Variants in SLC24A4 observed in about 807,000 individuals in gnomAD.
The protein encoded by SLC24A4 is solute carrier family 24 member 4.
Under a neutral mutation model 79.0 loss-of-function variants are expected in SLC24A4, and 53 were observed. That is an observed-to-expected ratio of 0.67 (90% confidence interval 0.54 to 0.84). The LOEUF (loss-of-function observed/expected upper bound fraction) is 0.84. Ranked by LOEUF, SLC24A4 falls within the 40% of genes least tolerant of loss-of-function variation. The pLI is 0.00. For missense variants in SLC24A4, 731 were observed against 822.0 expected (o/e 0.89, Z 1.35); for synonymous variants, 323 against 323.8 (o/e 1.00, Z 0.03).
intron 12 of SLC24A4, among the ~76,000 whole-genome samples, chr14:92,469,822 T>C (rs1403196279): frequency 6.6e-6 from 1 of 152,146 alleles, no homozygotes; most frequent in Non-Finnish European, 1.5e-5. Flanking sequence ...AAAGCCCCCA[T>C]GTTACAATTC....
At chr14:92,325,469 A>G (rs987562841) in intron 1 of SLC24A4, among the ~76,000 whole-genome samples, 1 of 152,226 alleles carries the variant, frequency 6.6e-6, no homozygotes, top group Non-Finnish European at 1.5e-5. Flanking sequence ...GCCAGACCGC[A>G]TCAGCCTTGC....
chr14:92,487,628 C>G (rs1895443272), intron 14 of SLC24A4, among the ~76,000 whole-genome samples: 1 of 152,066 alleles, frequency 6.6e-6, no homozygotes, highest in Non-Finnish European at 1.5e-5. Flanking sequence ...CGAATGGGGA[C>G]AGTTAGGGAC....
intron 12 of SLC24A4, 138 bp from the exon 13 acceptor site, chr14:92,482,542 C>T: frequency 7.0e-6 from 5 of 717,634 alleles, no homozygotes; most frequent in South Asian, 4.2e-5. Flanking sequence ...TGTGATTCTG[C>T]AAGGTCAGTT....
Position 92,349,164 on chromosome 14 carries a change from A to AT in SLC24A4, c.241+23201dup, listed in dbSNP as rs55770253. ...CTTCAATAATAAAAGTGACTGGAAG[A>AT]TTTTTTTTTTTTTTTGATACAGTCT... is the stretch of plus-strand genomic sequence containing the variant. On this transcript the variant is annotated intron_variant, in intron 2 of 16. Transcript: ENST00000532405. Among the ~76,000 whole-genome samples, 1,396 of 144,152 alleles carry AT rather than the reference A, an allele frequency of 9.7e-3. 43 individuals are homozygous for AT. Among genetic ancestry groups the AT allele is most frequent in the Admixed American group, 0.067 (961 of 14,408 alleles). 94.6% of individuals were successfully genotyped at this position (144,152 alleles called of 152,430 possible).
At chr14:92,389,781 C>T (rs1171002867) in intron 2 of SLC24A4, among the ~76,000 whole-genome samples, 1 of 152,206 alleles carries the variant, frequency 6.6e-6, no homozygotes, top group East Asian at 1.9e-4. Context: ...TGTCCCTGCC[C>T]CCAAGCCCCA....
intron 9 of SLC24A4, among the ~76,000 whole-genome samples, chr14:92,447,762 G>C (rs1399252947): frequency 6.6e-6 from 1 of 152,218 alleles, no homozygotes; most frequent in African/African-American, 2.4e-5. Flanking sequence ...CACTTGTGCT[G>C]TCTCTAGAAG....
Position 92,495,493 on chromosome 14 carries a change from A to C in SLC24A4, c.*1865A>C, listed in dbSNP as rs1278728331. ...AAGGCAGGGCCCCTGTAGATTCACC[A>C]GTATAAACTTCAGCTGCAGGGATTC... On this transcript the variant is annotated 3_prime_UTR_variant, in exon 17 of 17. Transcript: ENST00000532405. The C allele has an allele frequency of 6.6e-6, 1 of 152,152 alleles. No homozygotes were observed. Among genetic ancestry groups the C allele is most frequent in the Admixed American group, 6.5e-5 (1 of 15,280 alleles). The allele number at this position is 152,152 out of a possible 1,614,324, so 9.4% of individuals were successfully genotyped here. A position where few individuals can be genotyped will look rare whatever the true frequency, so the allele number is the denominator to read the frequency against.
rs77927488 is a variant in SLC24A4, at chr14:92,357,692, G to A, written c.241+31714G>A. On this transcript the variant is annotated intron_variant, in intron 2 of 16. Coordinates refer to ENST00000532405, the MANE Select transcript of SLC24A4 (RefSeq NM_153646.4). ...AATGGTGGTTGCCAGGGACTGGGGC[G>A]ATGGGGGAGTTATCGTTTAATGGGC... Among the ~76,000 whole-genome samples, 84 of 152,326 alleles carry A rather than the reference G, an allele frequency of 5.5e-4. 2 individuals carry two copies. In the East Asian group the frequency reaches 0.015, roughly 27 times the overall value.
Position 92,449,130 on chromosome 14 carries a change from G to T in SLC24A4, c.794G>T (p.Gly265Val). Residue 265 changes from glycine (G) to valine (V), a missense_variant, in exon 10 of 17, where the codon GGT becomes GTT. By Grantham distance (109) the Gly-to-Val change is moderately radical. Coordinates refer to ENST00000532405, the MANE Select transcript of SLC24A4 (RefSeq NM_153646.4). ...GTCAAACAAAAGAGCATTGCAAACG[G>T]TAACCCGGTCAACAGTGAGCTGGAG... ...FTVKQKSIAN[G>V]NPVNSELEAG... is the part of the protein sequence containing the mutation. The T allele has an allele frequency of 6.2e-7, 1 of 1,614,206 alleles. No homozygotes were observed. The highest frequency in any genetic ancestry group is 8.5e-7 in the Non-Finnish European group (1 of 1,180,034).
intron 7 of SLC24A4, among the ~76,000 whole-genome samples, chr14:92,444,903 T>TAC (rs928294919): frequency 1.4e-5 from 2 of 148,116 alleles, no homozygotes; most frequent in Non-Finnish European, 3.0e-5. Flanking sequence ...ACACCATATA[T>TAC]ACACACACAC....
At chr14:92,433,563 G>A (rs1233502579) in intron 2 of SLC24A4, among the ~76,000 whole-genome samples, 34 of 152,190 alleles carry the variant, frequency 2.2e-4, no homozygotes, top group Admixed American at 2.2e-3. Flanking sequence ...CACCAGCAGT[G>A]TTTGAAATTC....
chr14:92,480,387 G>A (rs1252881919), intron 12 of SLC24A4, among the ~76,000 whole-genome samples: 7 of 126,304 alleles, frequency 5.5e-5, no homozygotes, highest in African/African-American at 1.7e-4. Flanking sequence ...TCCACTTCCC[G>A]GGTTCACGCC....
chr14:92,489,679 C>A (rs1229088965), intron 14 of SLC24A4, among the ~76,000 whole-genome samples: 4 of 152,154 alleles, frequency 2.6e-5, no homozygotes, highest in African/African-American at 4.8e-5. Context: ...TTTCACAAGA[C>A]CCCCAGGTGA....
intron 3 of SLC24A4, among the ~76,000 whole-genome samples, chr14:92,434,264 C>A (rs1221117412): frequency 6.6e-6 from 1 of 152,142 alleles, no homozygotes; most frequent in East Asian, 1.9e-4. Context: ...GATGATGGTA[C>A]CTATTACAGA....
intron 12 of SLC24A4, among the ~76,000 whole-genome samples, chr14:92,463,180 C>T (rs2139868971): frequency 6.6e-6 from 1 of 152,278 alleles, no homozygotes; most frequent in East Asian, 1.9e-4. Flanking sequence ...GCTTTTAGAG[C>T]TTTTCTCCCC....
At chr14:92,389,574 C>G (rs1889350764) in intron 2 of SLC24A4, among the ~76,000 whole-genome samples, 2 of 152,150 alleles carry the variant, frequency 1.3e-5, no homozygotes, top group Admixed American at 1.3e-4. Context: ...TGCTGTTCTC[C>G]CTTTCCTGTC....
In SLC24A4 at chr14:92,441,909, G is replaced by T. The variant is rs535343964; in HGVS notation, c.394-180G>T. 3.0e-4 allele frequency among the ~76,000 whole-genome samples: 46 copies of T among 152,354 alleles called. No homozygotes were observed. The highest frequency in any genetic ancestry group is 1.1e-3 in the African/African-American group (45 of 41,586). On this transcript the variant is annotated intron_variant, in intron 4 of 16. Coordinates refer to ENST00000532405, the MANE Select transcript of SLC24A4 (RefSeq NM_153646.4). This position sits in a 1 kb window ranked among gnomAD's most constrained non-coding sequence, Gnocchi z 4.6. ...GGCTCTGAGTGGAATGCCTGGTGGA[G>T]GCTGGAGGGCAGATGGCAGAGGGCA...
intron 12 of SLC24A4, among the ~76,000 whole-genome samples, chr14:92,465,112 TGCA>T (rs1294571097): frequency 6.6e-6 from 1 of 152,254 alleles, no homozygotes; most frequent in East Asian, 1.9e-4. Context: ...GTCTCTCTGA[TGCA>T]GCCTCGATTT....
chr14:92,359,817 C>T (rs1201972411), intron 2 of SLC24A4, among the ~76,000 whole-genome samples: 2 of 152,262 alleles, frequency 1.3e-5, no homozygotes, highest in Admixed American at 6.5e-5. Context: ...GATGTCATCT[C>T]TGCCTTGCAT....
Sources: gnomAD v4.1 joint callset for allele counts (sites outside exome capture counted in the v4.1 genomes callset) on GRCh38, gnomAD v4.1.1 for gene constraint, Gnocchi (gnomAD v3.1) non-coding constraint, MANE v1.5 for transcripts, NCBI Gene and HGNC (gene_info 2026-07-23, HGNC 2026-07-21) for gene names.